Variants in HM13 observed in about 807,000 individuals in gnomAD.
HM13 encodes the protein histocompatibility minor 13, also known as signal peptide peptidase.
A neutral mutation model predicts 50.0 loss-of-function variants in HM13; 18 were observed. That is an observed-to-expected ratio of 0.36 (90% CI 0.25 to 0.53). HM13 has a LOEUF of 0.53. HM13 is among the 20% of genes least tolerant of loss of function. HM13 has a pLI of 0.90. For synonymous variants in HM13, 197 were observed against 232.6 expected (o/e 0.85, Z 1.39); for missense variants, 393 against 552.4 (o/e 0.71, Z 2.89).
At chr20:31,535,611 A>G (rs1463512170) in intron 2 of HM13, 4 of 152,256 alleles carry the variant, frequency 2.6e-5, no homozygotes, top group Non-Finnish European at 5.9e-5. Context: ...TAAATAAAGC[A>G]CAATCCATAT....
chr20:31,547,694 T>C (rs1008116334), intron 4 of HM13: 1 of 1,357,610 alleles, frequency 7.4e-7, no homozygotes, highest in African/African-American at 1.5e-5. Context: ...ATCCTTACCG[T>C]AAGTGGGGAA....
At chr20:31,564,871 A>T (rs1454548633) in intron 10 of HM13, among the ~76,000 whole-genome samples, 2 of 150,746 alleles carry the variant, frequency 1.3e-5, no homozygotes, top group African/African-American at 4.9e-5. Context: ...AAAAAAGAAA[A>T]GAAAAGAAAC....
chr20:31,547,081 C>T (rs1289334784), intron 4 of HM13, among the ~76,000 whole-genome samples: 1 of 152,144 alleles, frequency 6.6e-6, no homozygotes, highest in Non-Finnish European at 1.5e-5. Flanking sequence ...GGAGAGGCAT[C>T]CATATTCCCT....
intron 12 of HM13, among the ~76,000 whole-genome samples, chr20:31,568,818 A>C (rs1985087124): frequency 6.6e-6 from 1 of 152,214 alleles, no homozygotes; most frequent in South Asian, 2.1e-4. Flanking sequence ...CTACAGCAGA[A>C]GGTTCAGGAA....
chr20:31,551,747 G>A (rs1389238870), intron 7 of HM13, among the ~76,000 whole-genome samples: 1 of 152,162 alleles, frequency 6.6e-6, no homozygotes, highest in African/African-American at 2.4e-5. Context: ...GGAGACTGGG[G>A]GAGATTCCAC....
At chr20:31,565,921 G>A (rs976265104) in intron 10 of HM13, 12 of 291,848 alleles carry the variant, frequency 4.1e-5, no homozygotes, top group Non-Finnish European at 3.2e-5. Flanking sequence ...CCAGGAAGTT[G>A]CTTTTTGAAC....
intron 1 of HM13, among the ~76,000 whole-genome samples, chr20:31,516,272 C>G (rs6088447): frequency 6.6e-6 from 1 of 152,182 alleles, no homozygotes; most frequent in African/African-American, 2.4e-5. Flanking sequence ...GCTCTCCAAA[C>G]TGAGTAATTC....
Position 31,549,339 on chromosome 20 carries a change from C to G in HM13, c.666+7C>G. The G allele has an allele frequency of 6.2e-7, 1 of 1,614,168 alleles. No homozygotes were observed. Among genetic ancestry groups the G allele is most frequent in the Non-Finnish European group, 8.5e-7 (1 of 1,180,028 alleles). ...CATCTACGATGTCTTCTGGGTGAGT[C>G]AGGCAGGGATGCCAAGGATGTCTGG... On this transcript the variant is annotated splice_region_variant and intron_variant, in intron 6 of 12. Coordinates refer to ENST00000398174, the MANE Select transcript of HM13 (RefSeq NM_178581.3).
chr20:31,533,241 G>T (rs906840240), intron 2 of HM13, among the ~76,000 whole-genome samples: 2 of 152,204 alleles, frequency 1.3e-5, no homozygotes, highest in African/African-American at 4.8e-5. Context: ...AGTGGCTCAC[G>T]CCTGTAATCC....
intron 2 of HM13, among the ~76,000 whole-genome samples, chr20:31,530,146 C>T (rs186365515): frequency 2.2e-4 from 34 of 151,838 alleles, no homozygotes; most frequent in Non-Finnish European, 3.8e-4. Context: ...ATAAATAAAC[C>T]GATTCATCAA....
At chr20:31,541,632 A>G (rs985690876) in intron 3 of HM13, 4 of 152,268 alleles carry the variant, frequency 2.6e-5, no homozygotes, top group Admixed American at 1.3e-4. Context: ...ATTAACATGA[A>G]AAAGAACTGA....
chr20:31,521,786 A>T (rs1982177857), intron 1 of HM13, among the ~76,000 whole-genome samples: 1 of 150,522 alleles, frequency 6.6e-6, no homozygotes, highest in Admixed American at 6.7e-5. Flanking sequence ...GAAAACATGT[A>T]AAGTACCTAG....
At chr20:31,525,108 A>G (rs536358365) in intron 1 of HM13, among the ~76,000 whole-genome samples, 2 of 152,134 alleles carry the variant, frequency 1.3e-5, no homozygotes, top group South Asian at 4.1e-4. Flanking sequence ...ACAGGTTTAT[A>G]CTTTAGGCCA....
Position 31,549,229 on chromosome 20 carries a change from T to C in HM13, c.563T>C (p.Phe188Ser). ...LRKHWIANNL[F>S]GLAFSLNGVE... Reference sequence around the variant, plus strand: ...CAGCACTGGATTGCCAACAACCTTTTTGGCCTGGCCTTCTCCCTTAATGGA... The same window carrying C: ...CAGCACTGGATTGCCAACAACCTTTCTGGCCTGGCCTTCTCCCTTAATGGA... The change falls in exon 6 of 13, where the codon TTT becomes TCT. Residue 188 changes from phenylalanine (F) to serine (S), a missense_variant. Physicochemically the swap from Phe to Ser is radical, Grantham distance 155 (BLOSUM62 -2). Transcript: ENST00000398174. The C allele has an allele frequency of 1.2e-6, 2 of 1,614,192 alleles. No individual in the cohort carries two copies. The highest frequency in any genetic ancestry group is 1.7e-6 in the Non-Finnish European group (2 of 1,180,032).
intron 2 of HM13, chr20:31,528,199 A>G (rs913783734): frequency 6.6e-6 from 1 of 152,174 alleles, no homozygotes; most frequent in Non-Finnish European, 1.5e-5. Context: ...TAGTTGTACT[A>G]TTTTCTGGAT....
rs1984903308 is a variant in HM13, at chr20:31,566,264, C to G, written c.1003C>G (p.Leu335Val). ...CATCGGTTTTCCTGTCCTGGTGGCG[C>G]TGGCCAAGGGAGAAGTGACAGAGAT... ...ACIGFPVLVA[L>V]AKGEVTEMFS... The change falls in exon 11 of 13, where the codon CTG (leucine) becomes GTG (valine). Residue 335 changes from leucine (L) to valine (V), a missense_variant. Coordinates refer to ENST00000398174, the MANE Select transcript of HM13 (RefSeq NM_178581.3). The G allele has an allele frequency of 1.2e-6, 2 of 1,613,950 alleles. No homozygotes were observed. The highest frequency in any genetic ancestry group is 2.7e-5 in the African/African-American group (2 of 74,918).
At chr20:31,515,209 T>C (rs1487699194) in intron 1 of HM13, among the ~76,000 whole-genome samples, 1 of 152,174 alleles carries the variant, frequency 6.6e-6, no homozygotes, top group Non-Finnish European at 1.5e-5. Flanking sequence ...CTTTCTACCA[T>C]CCAGACCCAT....
intron 2 of HM13, among the ~76,000 whole-genome samples, chr20:31,536,735 G>A (rs1241950541): frequency 6.6e-6 from 1 of 151,968 alleles, no homozygotes; most frequent in African/African-American, 2.4e-5. Context: ...CCCACCTCAG[G>A]ACCTTTGCAC....
At chr20:31,518,553 C>T (rs922427065) in intron 1 of HM13, among the ~76,000 whole-genome samples, 1 of 151,356 alleles carries the variant, frequency 6.6e-6, no homozygotes, top group South Asian at 2.1e-4. Context: ...GGCTGAGGCA[C>T]AAGAATCGCT....
Sources: allele counts gnomAD v4.1 joint callset (sites outside exome capture counted in the v4.1 genomes callset), GRCh38; gene constraint gnomAD v4.1.1; transcripts MANE v1.5; gene names NCBI Gene and HGNC (gene_info 2026-07-23, HGNC 2026-07-21).